The following STK38L variants were observed in gnomAD, a reference collection of about 807,000 sequenced individuals.
STK38L encodes the protein serine/threonine kinase 38 like.
Under a neutral mutation model 59.7 loss-of-function variants are expected in STK38L, and 28 were observed. The observed-to-expected ratio is 0.47, with a 90% confidence interval of 0.35 to 0.64. STK38L has a LOEUF of 0.64. STK38L is among the 30% of genes least tolerant of loss of function. The pLI is 0.01. For synonymous variants in STK38L, 162 were observed against 176.8 expected (o/e 0.92, Z 0.66); for missense variants, 314 against 555.8 (o/e 0.56, Z 4.37).
chr12:27,296,351 A>G (rs1260056506), intron 1 of STK38L, among the ~76,000 whole-genome samples: 1 of 152,220 alleles, frequency 6.6e-6, no homozygotes, highest in East Asian at 1.9e-4. Context: ...AATTTATGCC[A>G]AAATAATAGA....
chr12:27,301,608 T>G (rs1346655669), intron 2 of STK38L, among the ~76,000 whole-genome samples: 6 of 152,208 alleles, frequency 3.9e-5, no homozygotes, highest in Admixed American at 3.9e-4. Flanking sequence ...AATTTTCAAA[T>G]AATTTTAATA....
chr12:27,253,432 A>T (rs932643494), intron 1 of STK38L, among the ~76,000 whole-genome samples: 1 of 32,522 alleles, frequency 3.1e-5, no homozygotes, highest in Non-Finnish European at 5.0e-5. Context: ...AGAGACTTGC[A>T]TGGATGGGTC....
chr12:27,286,855 C>T (rs543556764), intron 1 of STK38L, among the ~76,000 whole-genome samples: 11 of 152,254 alleles, frequency 7.2e-5, no homozygotes, highest in African/African-American at 2.6e-4. Flanking sequence ...GTGTTTTCCC[C>T]TTATATTGTG....
chr12:27,272,622 G>T (rs1395836823), intron 1 of STK38L, among the ~76,000 whole-genome samples: 2 of 152,206 alleles, frequency 1.3e-5, no homozygotes, highest in African/African-American at 4.8e-5. Context: ...GAGACTGGGT[G>T]CAACTTCCGT....
In STK38L at chr12:27,317,903, AC is replaced by A; in HGVS notation, c.965del (p.Pro322LeufsTer14). Reference protein sequence around the residue: ...IMYEMLIGYPPFCSETPQETY... With the variant: ...IMYEMLIGYPXFCSETPQETY... The stretch of plus-strand genomic sequence containing the variant: ...GATTTATTTGATACATAGGATATCC[AC>A]CTTTCTGCTCTGAAACACCTCAAGA... On this transcript the variant is annotated frameshift_variant, in exon 11 of 14. Coordinates refer to ENST00000389032, the MANE Select transcript of STK38L (RefSeq NM_015000.4). LOFTEE classifies it high-confidence loss of function. 6.2e-7 allele frequency: 1 copy of A among 1,613,670 alleles called. No homozygotes were observed. The highest frequency in any genetic ancestry group is 8.5e-7 in the Non-Finnish European group (1 of 1,179,832).
At chr12:27,309,030 T>C in intron 4 of STK38L, 84 bp from the exon 5 acceptor site, 1 of 792,210 alleles carries the variant, frequency 1.3e-6, no homozygotes, top group East Asian at 4.6e-5. Flanking sequence ...ACTGGCAAAT[T>C]CCTGCTTTCT....
At chr12:27,276,928 A>T (rs974797356) in intron 1 of STK38L, among the ~76,000 whole-genome samples, 1 of 152,172 alleles carries the variant, frequency 6.6e-6, no homozygotes, top group Admixed American at 6.5e-5. Flanking sequence ...AATGACCATT[A>T]TCCTGGATTT....
In STK38L at chr12:27,322,575, G is replaced by A. The variant is rs897071824; in HGVS notation, c.*120G>A. 3.7e-6 allele frequency: 5 copies of A among 1,353,288 alleles called. No individual in the cohort carries two copies. In the African/African-American group the frequency reaches 5.9e-5, roughly 16 times the overall value. The allele number at this position is 1,353,288 out of a possible 1,614,324, so 83.8% of individuals were successfully genotyped here. On this transcript the variant is annotated 3_prime_UTR_variant, in exon 14 of 14. Coordinates refer to ENST00000389032, the MANE Select transcript of STK38L (RefSeq NM_015000.4). ...AGATGGTGGTGCTTATTGACTACAA[G>A]AGGAAATTCTACAGGATTAGGATTT...
intron 5 of STK38L, 96 bp from the exon 6 acceptor site, chr12:27,312,453 C>T: frequency 7.5e-7 from 1 of 1,329,204 alleles, no homozygotes; most frequent in Admixed American, 2.3e-5. Context: ...TCCATCTTTC[C>T]TTCATTAACT....
intron 2 of STK38L, among the ~76,000 whole-genome samples, chr12:27,299,055 T>C (rs999991370): frequency 1.5e-4 from 23 of 152,162 alleles, no homozygotes; most frequent in African/African-American, 5.3e-4. Context: ...TGAATTAGAA[T>C]TGTGACAACA....
chr12:27,303,497 G>A (rs143980806), intron 3 of STK38L, among the ~76,000 whole-genome samples: 16 of 152,256 alleles, frequency 1.1e-4, no homozygotes, highest in Admixed American at 1.0e-3. Flanking sequence ...ACTAGACACT[G>A]TAACATCTTG....
At chr12:27,265,871 G>A (rs1013170226) in intron 1 of STK38L, among the ~76,000 whole-genome samples, 8 of 152,120 alleles carry the variant, frequency 5.3e-5, no homozygotes, top group African/African-American at 1.2e-4. Context: ...CCCTATTGAT[G>A]CTGATAAAAA....
At chr12:27,269,115 T>C (rs1286729157) in intron 1 of STK38L, among the ~76,000 whole-genome samples, 1 of 152,248 alleles carries the variant, frequency 6.6e-6, no homozygotes, top group Non-Finnish European at 1.5e-5. Flanking sequence ...CAGAAGCTCT[T>C]TAGTTGAATT....
intron 1 of STK38L, among the ~76,000 whole-genome samples, chr12:27,289,263 T>C (rs1326732813): frequency 6.6e-6 from 1 of 152,202 alleles, no homozygotes; most frequent in Non-Finnish European, 1.5e-5. Context: ...GATCGGTAAA[T>C]AGAATTTTAA....
Position 27,322,386 on chromosome 12 carries a change from C to A in STK38L, c.1326C>A (p.Thr442=). 2 of 1,613,964 alleles carry A rather than the reference C, an allele frequency of 1.2e-6. No individual in the cohort carries two copies. Among genetic ancestry groups the A allele is most frequent in the Non-Finnish European group, 1.7e-6 (2 of 1,179,934 alleles). The change falls in exon 14 of 14, where the codon ACC becomes ACA. Residue 442 remains threonine (T), a synonymous_variant. Transcript: ENST00000389032. The part of the protein sequence containing the change: ...KSKDWVFLNY[T]YKRFEGLTQR... ...AAGACTGGGTTTTTCTCAATTATACCTATAAAAGGTTTGAAGGGTTGACTC... is the reference window on the plus strand; with the variant it reads ...AAGACTGGGTTTTTCTCAATTATACATATAAAAGGTTTGAAGGGTTGACTC...
chr12:27,246,486 A>G (rs756881739), intron 1 of STK38L, among the ~76,000 whole-genome samples: 1 of 152,234 alleles, frequency 6.6e-6, no homozygotes, highest in African/African-American at 2.4e-5. Context: ...TTAGGATTAC[A>G]TTAAAATCAG....
chr12:27,306,922 G>A lies in STK38L; in HGVS notation c.187-1417G>A, dbSNP rs575870128. 1.8e-4 allele frequency among the ~76,000 whole-genome samples: 27 copies of A among 152,016 alleles called. No individual in the cohort carries two copies. The South Asian group carries it at 5.2e-3, about 29-fold the overall frequency. ...ATTTTTGTATTTTTAGTAGAGACGG[G>A]GTTTTACCATGTTGGCCAGGATGGT... On this transcript the variant is annotated intron_variant, in intron 3 of 13. Transcript: ENST00000389032.
chr12:27,273,237 T>C (rs1943462042), intron 1 of STK38L, among the ~76,000 whole-genome samples: 1 of 152,104 alleles, frequency 6.6e-6, no homozygotes, highest in African/African-American at 2.4e-5. Context: ...AATGGGAGTA[T>C]TGGAGGCAGA....
intron 1 of STK38L, among the ~76,000 whole-genome samples, chr12:27,292,581 C>T (rs959132471): frequency 3.9e-5 from 6 of 152,006 alleles, no homozygotes; most frequent in Non-Finnish European, 8.8e-5. Context: ...AAATCTATTA[C>T]ATTAGAGTTG....
Sources: allele counts gnomAD v4.1 joint callset (sites outside exome capture counted in the v4.1 genomes callset), GRCh38; gene constraint gnomAD v4.1.1; transcripts MANE v1.5; gene names NCBI Gene and HGNC (gene_info 2026-07-23, HGNC 2026-07-21).